CXXC5: variants seen among roughly 807,000 people sequenced by gnomAD.
CXXC5 encodes CXXC finger protein 5.
Under a neutral mutation model 17.6 loss-of-function variants are expected in CXXC5, and 2 were observed. The observed-to-expected ratio is 0.11, with a 90% CI of 0.05 to 0.36. The LOEUF (loss-of-function observed/expected upper bound fraction) is 0.36. Among genes scored for constraint, CXXC5 ranks in the 10% least tolerant of loss-of-function variants. The pLI is 1.00. For missense variants in CXXC5, 343 were observed against 458.3 expected, an observed-to-expected ratio of 0.75 and a Z score of 2.30; for synonymous variants, 171 against 193.0, an observed-to-expected ratio of 0.89 and a Z score of 0.94.
At chr5:139,672,523 G>A (rs183881590) in intron 1 of CXXC5, among the ~76,000 whole-genome samples, 59 of 152,314 alleles carry the variant, frequency 3.9e-4, no homozygotes, top group Admixed American at 2.0e-3. Flanking sequence ...TCTCAGCCCT[G>A]CGTCCTGCTC....
At chr5:139,657,426 G>T (rs613507) in intron 1 of CXXC5, among the ~76,000 whole-genome samples, 10,125 of 152,302 alleles carry the variant, frequency 0.066, 407 homozygotes, top group South Asian at 0.13. Flanking sequence ...TGGGCTGGAT[G>T]TGTTGGGAGA....
Position 139,664,518 on chromosome 5 carries a change from A to G in CXXC5, c.-161+15673A>G, listed in dbSNP as rs1354504925. Among the ~76,000 whole-genome samples the G allele has an allele frequency of 3.9e-5, 6 of 152,266 alleles. No individual in the cohort carries two copies. In the South Asian group the frequency reaches 8.3e-4, roughly 21 times the overall value. ...GCATGGCCCTGGGTCAGGGCTCACT[A>G]AAGGTCACTTCATCGGGTTGACTTT... On this transcript the variant is annotated intron_variant, in intron 1 of 2. Coordinates refer to ENST00000302517, the MANE Select transcript of CXXC5 (RefSeq NM_016463.9).
intron 1 of CXXC5, among the ~76,000 whole-genome samples, chr5:139,667,779 CTTAGTG>C (rs1381532238): frequency 6.6e-6 from 1 of 152,164 alleles, no homozygotes; most frequent in Non-Finnish European, 1.5e-5. Context: ...TAAAACAGAT[CTTAGTG>C]TTTGGGGGAG....
At chr5:139,671,726 T>G (rs193053655) in intron 1 of CXXC5, among the ~76,000 whole-genome samples, 20 of 152,336 alleles carry the variant, frequency 1.3e-4, no homozygotes, top group Middle Eastern at 6.8e-3. Context: ...CAGACTTCTC[T>G]GCAACAGGGC....
At chr5:139,682,743 T>C (rs1757317161) in intron 2 of CXXC5, 120 bp from the exon 3 acceptor site, 1 of 1,041,768 alleles carries the variant, frequency 9.6e-7, no homozygotes, top group East Asian at 2.9e-5. Context: ...GAGGGGTGGC[T>C]GCTCTTCCTC....
At chr5:139,667,688 T>C (rs1484003414) in intron 1 of CXXC5, among the ~76,000 whole-genome samples, 1 of 152,038 alleles carries the variant, frequency 6.6e-6, no homozygotes, top group African/African-American at 2.4e-5. Flanking sequence ...TCTTAAGAGC[T>C]TGGGGGTTTG....
chr5:139,652,460 C>T (rs1755267023), intron 1 of CXXC5, among the ~76,000 whole-genome samples: 1 of 152,148 alleles, frequency 6.6e-6, no homozygotes, highest in South Asian at 2.1e-4. Flanking sequence ...CTCCACCTGC[C>T]CCCTAAAGCC....
rs759518933 is a variant in CXXC5 at position 139,661,582 on chromosome 5, G to A, written c.-161+12737G>A. Among the ~76,000 whole-genome samples the A allele has an allele frequency of 1.3e-5, 2 of 152,162 alleles. No homozygotes were observed. The highest frequency in any genetic ancestry group is 3.2e-3 in the Middle Eastern group (1 of 316). Reference sequence around the variant, plus strand: ...TGCACATACACAGGCACACATAGGCGTGCACACATAGGCCACTCTCACCCC... The same window carrying A: ...TGCACATACACAGGCACACATAGGCATGCACACATAGGCCACTCTCACCCC... On this transcript the variant is annotated intron_variant, in intron 1 of 2. Coordinates refer to ENST00000302517, the MANE Select transcript of CXXC5 (RefSeq NM_016463.9). This position sits in a 1 kb window ranked among gnomAD's most constrained non-coding sequence, Gnocchi z 4.7.
intron 1 of CXXC5, among the ~76,000 whole-genome samples, chr5:139,654,625 G>A (rs1035733589): frequency 4.3e-4 from 66 of 152,178 alleles, no homozygotes; most frequent in African/African-American, 1.5e-3. Context: ...TGATTACCAG[G>A]TGTGTGACCG....
At chr5:139,655,650 T>C (rs1212424851) in intron 1 of CXXC5, among the ~76,000 whole-genome samples, 2 of 151,784 alleles carry the variant, frequency 1.3e-5, no homozygotes, top group East Asian at 1.9e-4. Flanking sequence ...TTTTCCTCCA[T>C]TTCCCTCTTT....
chr5:139,679,784 C>T (rs1041586476), intron 1 of CXXC5: 1 of 152,318 alleles, frequency 6.6e-6, no homozygotes, highest in Non-Finnish European at 1.5e-5. Context: ...ACCTCAGCCT[C>T]CTGAGTAGCT....
intron 1 of CXXC5, among the ~76,000 whole-genome samples, chr5:139,660,725 G>C (rs1008444426): frequency 1.3e-5 from 2 of 150,000 alleles, no homozygotes; most frequent in Non-Finnish European, 3.0e-5. Flanking sequence ...AACATGGGGG[G>C]GTTTGCTGGG....
At chr5:139,649,585 T>G (rs985958579) in intron 1 of CXXC5, 1 of 152,044 alleles carries the variant, frequency 6.6e-6, no homozygotes, top group African/African-American at 2.4e-5. Flanking sequence ...AAGTTTGACC[T>G]TTTTTTTCCA....
chr5:139,680,313 TGAAGG>T (rs1757108013), intron 1 of CXXC5, 46 bp from the exon 2 acceptor site: 2 of 622,218 alleles, frequency 3.2e-6, no homozygotes, highest in African/African-American at 3.7e-5. Flanking sequence ...GTGGCGATGT[TGAAGG>T]GGGAGGTGTT....
chr5:139,651,445 C>A (rs1296080762), intron 1 of CXXC5, among the ~76,000 whole-genome samples: 1 of 152,104 alleles, frequency 6.6e-6, no homozygotes, highest in East Asian at 1.9e-4. Context: ...TCCAGGGCAC[C>A]GGCCAGCACA....
intron 1 of CXXC5, among the ~76,000 whole-genome samples, chr5:139,665,082 C>T (rs935306280): frequency 1.1e-4 from 17 of 152,238 alleles, no homozygotes; most frequent in Admixed American, 5.9e-4. Context: ...GCTGGCTCAG[C>T]CAGCTTGGCC....
At chr5:139,651,861 A>C (rs923799798) in intron 1 of CXXC5, among the ~76,000 whole-genome samples, 2 of 152,092 alleles carry the variant, frequency 1.3e-5, no homozygotes, top group African/African-American at 4.8e-5. Context: ...CTAATTGAAC[A>C]AGAATGGGGG....
rs1160215515 is a variant in CXXC5 at position 139,670,346 on chromosome 5, G to A, written c.-160-10018G>A. The stretch of plus-strand genomic sequence containing the variant: ...GCAGACAAGACAGGTGTCCCCCTTA[G>A]AGCTGGGACAGATTCTCAGCTAGTG... On this transcript the variant is annotated intron_variant, in intron 1 of 2. Transcript: ENST00000302517. The surrounding 1 kb of genome is among the most constrained non-coding windows in gnomAD (Gnocchi z 4.2). 6.6e-6 allele frequency among the ~76,000 whole-genome samples: 1 copy of A among 152,194 alleles called. No individual in the cohort carries two copies. The highest frequency in any genetic ancestry group is 1.5e-5 in the Non-Finnish European group (1 of 68,028).
At position 139,658,523 on chromosome 5, in the gene CXXC5, C is replaced by T. The variant is rs909648950; in HGVS notation, c.-161+9678C>T. 3.9e-5 allele frequency among the ~76,000 whole-genome samples: 6 copies of T among 152,172 alleles called. No homozygotes were observed. The highest frequency in any genetic ancestry group is 2.0e-4 in the Admixed American group (3 of 15,278). On this transcript the variant is annotated intron_variant, in intron 1 of 2. Transcript: ENST00000302517. This position sits in a 1 kb window ranked among gnomAD's most constrained non-coding sequence, Gnocchi z 4.1. ...GCCAGCCCCTCTCTGGAGCTCTAGC[C>T]GGTGTGGAGAGTGGGCTGTGGGCCC...
Sources: gnomAD v4.1 joint callset for allele counts (sites outside exome capture counted in the v4.1 genomes callset) on GRCh38, gnomAD v4.1.1 for gene constraint, Gnocchi (gnomAD v3.1) non-coding constraint, MANE v1.5 for transcripts, NCBI Gene and HGNC (gene_info 2026-07-23, HGNC 2026-07-21) for gene names.